BPTF: variants seen among roughly 807,000 people sequenced by gnomAD.
BPTF encodes nucleosome-remodeling factor subunit BPTF.
A neutral mutation model predicts 292.5 loss-of-function variants in BPTF; 18 were observed. The ratio of observed to expected loss-of-function variants is 0.06; its 90% CI spans 0.04 to 0.09. The LOEUF (loss-of-function observed/expected upper bound fraction) is 0.09. BPTF is among the 10% of genes least tolerant of loss of function. The pLI, the probability that BPTF is intolerant of heterozygous loss-of-function variation, is 1.00. For missense variants in BPTF, 2,726 were observed against 3,498.7 expected (o/e 0.78, Z 5.57); for synonymous variants, 1,225 against 1,251.9 (o/e 0.98, Z 0.45).
chr17:67,880,463 T>G (rs1260043717), intron 4 of BPTF, among the ~76,000 whole-genome samples: 2 of 152,194 alleles, frequency 1.3e-5, no homozygotes, highest in Admixed American at 6.5e-5. Context: ...TCCCACAAAC[T>G]TATTTTATTT....
intron 13 of BPTF, 65 bp downstream of exon 13, chr17:67,920,208 T>C (rs2063340464): frequency 1.3e-6 from 2 of 1,526,124 alleles, no homozygotes; most frequent in Admixed American, 4.2e-5. Context: ...GAATTGAAAT[T>C]TGATATAATT....
chr17:67,829,912 A>G (rs893083564), intron 1 of BPTF, among the ~76,000 whole-genome samples: 1 of 152,262 alleles, frequency 6.6e-6, no homozygotes, highest in African/African-American at 2.4e-5. Flanking sequence ...TGACATTACT[A>G]AAGTCATGAA....
intron 27 of BPTF, among the ~76,000 whole-genome samples, chr17:67,978,963 C>T (rs2069937044): frequency 6.6e-6 from 1 of 150,460 alleles, no homozygotes; most frequent in African/African-American, 2.4e-5. Context: ...GATGCTTGAG[C>T]CCAGGAATTC....
chr17:67,857,129 T>C (rs1489329771), intron 2 of BPTF, among the ~76,000 whole-genome samples: 1 of 151,762 alleles, frequency 6.6e-6, no homozygotes, highest in Admixed American at 6.6e-5. Flanking sequence ...ACTTTATCCT[T>C]ATGAGTTCGT....
Position 67,922,962 on chromosome 17 carries a change from T to C in BPTF, c.5680T>C (p.Leu1894=), listed in dbSNP as rs781663583. 12 of 1,613,962 alleles carry C rather than the reference T, an allele frequency of 7.4e-6. No homozygotes were observed. The South Asian group carries it at 1.3e-4, about 18-fold the overall frequency. ...ETWVAEEELE[L]WEIRAFAERV... ...CTGGGTAGCAGAAGAAGAACTGGAA[T>C]TGTGGGAGATCAGGGCATTTGCTGA... Residue 1894 remains leucine (L), a synonymous_variant, in exon 14 of 28, where the codon TTG becomes CTG. Transcript: ENST00000306378.
intron 18 of BPTF, among the ~76,000 whole-genome samples, chr17:67,936,102 C>G (rs1397166641): frequency 6.6e-6 from 1 of 152,106 alleles, no homozygotes; most frequent in Non-Finnish European, 1.5e-5. Flanking sequence ...AAATAATTTT[C>G]TTACTATAAA....
At chr17:67,882,314 A>G (rs1311731627) in intron 4 of BPTF, among the ~76,000 whole-genome samples, 2 of 152,092 alleles carry the variant, frequency 1.3e-5, no homozygotes, top group African/African-American at 2.4e-5. Context: ...CACTGTCCCT[A>G]TGCTTTTTTG....
chr17:67,941,332 A>G (rs1170440956), intron 19 of BPTF, among the ~76,000 whole-genome samples: 1 of 152,212 alleles, frequency 6.6e-6, no homozygotes, highest in African/African-American at 2.4e-5. Context: ...ATGCGCTTGT[A>G]ATCACAGCTA....
intron 3 of BPTF, among the ~76,000 whole-genome samples, chr17:67,870,438 T>G (rs2059653014): frequency 6.6e-6 from 1 of 152,218 alleles, no homozygotes; most frequent in African/African-American, 2.4e-5. Flanking sequence ...AGCAACTTTT[T>G]AAGGAGTGTA....
intron 4 of BPTF, among the ~76,000 whole-genome samples, chr17:67,880,954 T>TACACACAC (rs370583774): frequency 1.0e-4 from 10 of 98,788 alleles, no homozygotes; most frequent in African/African-American, 2.6e-4. Context: ...ATATTATATA[T>TACACACAC]ATATACACAC....
intron 1 of BPTF, among the ~76,000 whole-genome samples, chr17:67,834,281 T>G (rs1598113509): frequency 2.0e-5 from 3 of 152,252 alleles, no homozygotes; most frequent in African/African-American, 7.2e-5. Flanking sequence ...GAGAGTATAC[T>G]TTGTATGACT....
At chr17:67,895,332 CAA>C (rs35234780) in intron 7 of BPTF, among the ~76,000 whole-genome samples, 3,822 of 56,178 alleles carry the variant, frequency 0.068, 22 homozygotes, top group Non-Finnish European at 0.096. Context: ...GACTTCATCT[CAA>C]AAAAAAAAAA....
chr17:67,944,246 C>A lies in BPTF; in HGVS notation c.6574C>A (p.Pro2192Thr), dbSNP rs2065624604. The A allele has an allele frequency of 6.2e-7, 1 of 1,614,016 alleles. No individual in the cohort carries two copies. Among genetic ancestry groups the A allele is most frequent in the African/African-American group, 1.3e-5 (1 of 74,902 alleles). The change falls in exon 20 of 28, where the codon CCA becomes ACA. Residue 2192 changes from proline to threonine, a missense_variant. Pro to Thr is a conservative substitution (Grantham distance 38). Transcript: ENST00000306378. ...IPQGVTVLPG[P>T]GQQLMQAAMP... ...TCAAGGGGTGACTGTACTCCCAGGCCCAGGCCAGCAGCTAATGCAAGCTGC... is the reference window on the plus strand; with the variant it reads ...TCAAGGGGTGACTGTACTCCCAGGCACAGGCCAGCAGCTAATGCAAGCTGC...
chr17:67,841,233 C>CCCCGTCTCTACTAAA (rs1567874918), intron 1 of BPTF, among the ~76,000 whole-genome samples: 3 of 151,840 alleles, frequency 2.0e-5, no homozygotes, highest in Non-Finnish European at 2.9e-5. Flanking sequence ...CATGGCGAAA[C>CCCCGTCTCTACTAAA]CCCGTCTCTA....
At chr17:67,851,238 C>T (rs904034314) in intron 1 of BPTF, among the ~76,000 whole-genome samples, 1 of 149,116 alleles carries the variant, frequency 6.7e-6, no homozygotes, top group Non-Finnish European at 1.5e-5. Context: ...GCTCAAGGAA[C>T]ACAAAAAGGT....
chr17:67,933,711 A>G (rs1322611443), intron 18 of BPTF, among the ~76,000 whole-genome samples: 1 of 152,364 alleles, frequency 6.6e-6, no homozygotes, highest in South Asian at 2.1e-4. Context: ...GTAAGCCACA[A>G]TTAAACTATG....
At chr17:67,831,516 T>C (rs973207187) in intron 1 of BPTF, among the ~76,000 whole-genome samples, 3 of 152,132 alleles carry the variant, frequency 2.0e-5, no homozygotes, top group Non-Finnish European at 4.4e-5. Flanking sequence ...ACGGGCGTGT[T>C]TGGAAGTTTG....
At chr17:67,852,247 ATAT>A (rs1435577703) in intron 1 of BPTF, among the ~76,000 whole-genome samples, 1 of 152,048 alleles carries the variant, frequency 6.6e-6, no homozygotes. Context: ...TTGAGTATTA[ATAT>A]TTTTATATTT....
At chr17:67,947,693 A>G in intron 21 of BPTF, 33 bp from the exon 22 acceptor site, 1 of 1,520,536 alleles carries the variant, frequency 6.6e-7, no homozygotes, top group Non-Finnish European at 8.9e-7. Context: ...GTGATTATAA[A>G]ATATGCGCTT....
Sources: allele counts gnomAD v4.1 joint callset (sites outside exome capture counted in the v4.1 genomes callset), GRCh38; gene constraint gnomAD v4.1.1; transcripts MANE v1.5; gene names NCBI Gene and HGNC (gene_info 2026-07-23, HGNC 2026-07-21).